Variants in SNRPN observed in about 807,000 individuals in gnomAD.
SNRPN encodes small nuclear ribonucleoprotein-associated protein N.
In SNRPN, 7 loss-of-function variants were observed where a neutral mutation model predicts 25.2. That is an observed-to-expected ratio of 0.28 (90% CI 0.16 to 0.52). The LOEUF (loss-of-function observed/expected upper bound fraction) is 0.52. Ranked by LOEUF, SNRPN falls within the 20% of genes least tolerant of loss-of-function variation. The pLI is 0.96. For missense variants in SNRPN, 196 were observed against 322.5 expected, an observed-to-expected ratio of 0.61 and a Z score of 3.00; for synonymous variants, 124 against 110.6, an observed-to-expected ratio of 1.12 and a Z score of -0.76.
At chr15:24,901,178 T>C (rs1191585594) in intron 2 of SNRPN, among the ~76,000 whole-genome samples, 1 of 152,182 alleles carries the variant, frequency 6.6e-6, no homozygotes, top group East Asian at 1.9e-4. Flanking sequence ...TTCCTTGGTA[T>C]TGCCGTCTTA....
chr15:24,926,920 A>C (rs1282384659), intron 3 of SNRPN, among the ~76,000 whole-genome samples: 1 of 151,954 alleles, frequency 6.6e-6, no homozygotes, highest in Non-Finnish European at 1.5e-5. Flanking sequence ...CTGAGGCAGG[A>C]GGATCGCTTG....
intron 8 of SNRPN, 62 bp downstream of exon 8, chr15:24,977,978 T>A (rs955033772): frequency 2.1e-6 from 3 of 1,447,288 alleles, no homozygotes; most frequent in Non-Finnish European, 2.8e-6. Flanking sequence ...CTTACTGATT[T>A]AAGACACAGC....
chr15:24,857,292 C>A (rs1159241216), intron 1 of SNRPN, among the ~76,000 whole-genome samples: 1 of 152,162 alleles, frequency 6.6e-6, no homozygotes, highest in Non-Finnish European at 1.5e-5. Context: ...TAGACATTGG[C>A]TAGAGTCTTT....
chr15:24,834,194 GATTA>G (rs2050808284), intron 2 of SNRPN, among the ~76,000 whole-genome samples: 1 of 152,138 alleles, frequency 6.6e-6, no homozygotes, highest in Non-Finnish European at 1.5e-5. Context: ...AAAGTGCTGG[GATTA>G]CAGGCGTGAG....
intron 2 of SNRPN, chr15:24,849,987 A>C (rs1015714101): frequency 3.9e-5 from 6 of 152,230 alleles, no homozygotes; most frequent in African/African-American, 1.4e-4. Flanking sequence ...TTTCCAAATT[A>C]GATTTTGATT....
upstream of SNRPN, among the ~76,000 whole-genome samples, chr15:24,954,351 A>G (rs1596131329): frequency 6.6e-6 from 1 of 152,208 alleles, no homozygotes; most frequent in East Asian, 1.9e-4. Context: ...TTTGTTTTAC[A>G]AAAATTGAAT....
chr15:24,906,246 C>G (rs2058796241), intron 2 of SNRPN, among the ~76,000 whole-genome samples: 1 of 152,194 alleles, frequency 6.6e-6, no homozygotes, highest in Non-Finnish European at 1.5e-5. Context: ...CCACCTCAGC[C>G]TCCCGAGTAG....
intron 3 of SNRPN, among the ~76,000 whole-genome samples, chr15:24,927,468 GTTTTTAAATT>G (rs2060462334): frequency 1.2e-5 from 1 of 84,686 alleles, no homozygotes; most frequent in Non-Finnish European, 2.3e-5. Context: ...TGCTTATAAA[GTTTTTAAATT>G]TTTTTTTTTT....
At chr15:24,840,970 T>A (rs1336896843) in intron 2 of SNRPN, among the ~76,000 whole-genome samples, 2 of 152,006 alleles carry the variant, frequency 1.3e-5, no homozygotes, top group African/African-American at 4.8e-5. Flanking sequence ...GCCTCCTGAG[T>A]AGCTGGGATT....
upstream of SNRPN, chr15:24,954,969 T>G: frequency 6.3e-7 from 1 of 1,597,468 alleles, no homozygotes; most frequent in East Asian, 2.2e-5. Context: ...AGCCTGCCGC[T>G]GCTGCAGCGA....
chr15:24,901,984 T>C (rs1454426358), intron 2 of SNRPN, among the ~76,000 whole-genome samples: 1 of 152,148 alleles, frequency 6.6e-6, no homozygotes, highest in Non-Finnish European at 1.5e-5. Context: ...TCTATGTAAA[T>C]AAGAGAAACT....
intron 1 of SNRPN, among the ~76,000 whole-genome samples, chr15:24,878,488 C>T (rs1172360251): frequency 2.6e-5 from 4 of 152,230 alleles, no homozygotes; most frequent in Admixed American, 6.5e-5. Flanking sequence ...CCGTGCGCCC[C>T]GAGGGTCTGT....
At position 24,978,504 on chromosome 15, in the gene SNRPN, A is replaced by T. The variant is rs950043802; in HGVS notation, c.*60A>T. 5.3e-5 allele frequency: 79 copies of T among 1,487,812 alleles called. No individual in the cohort carries two copies. The highest frequency in any genetic ancestry group is 6.6e-5 in the Non-Finnish European group (70 of 1,067,546). The allele number at this position is 1,487,812 out of a possible 1,614,324, so 92.2% of individuals were successfully genotyped here. On this transcript the variant is annotated 3_prime_UTR_variant, in exon 10 of 10. Coordinates refer to ENST00000390687, the MANE Select transcript of SNRPN (RefSeq NM_003097.6). ...TGCAATGCGTCTTGTGAAATTGTGT[A>T]GAGTGTTTGTGAGCTTTTTGTTCCC...
At position 24,889,413 on chromosome 15, in the gene SNRPN, T is replaced by C. The variant is rs190131371; in HGVS notation, c.-505+2824T>C. 4.4e-3 allele frequency among the ~76,000 whole-genome samples: 665 copies of C among 152,102 alleles called. 1 individual carries two copies. The highest frequency in any genetic ancestry group is 7.9e-3 in the Non-Finnish European group (537 of 67,990). On this transcript the variant is annotated intron_variant, in intron 2 of 11. Coordinates refer to the SNRPN transcript ENST00000400097. ...CGCCTCCCGGGTTCAGGCCATTCTC[T>C]TGCCTCAGCCTCCTGAGTAGCTGGG... is the stretch of plus-strand genomic sequence containing the variant.
At chr15:24,961,979 G>C in intron 1 of SNRPN, 135 bp from the exon 2 acceptor site, 3 of 829,960 alleles carry the variant, frequency 3.6e-6, no homozygotes, top group Non-Finnish European at 6.0e-6. Flanking sequence ...TAAAGATCTT[G>C]TAATAATTTT....
chr15:24,872,560 A>G (rs2055265918), intron 1 of SNRPN, among the ~76,000 whole-genome samples: 1 of 111,850 alleles, frequency 8.9e-6, no homozygotes, highest in Non-Finnish European at 1.9e-5. Context: ...AGCCTGACCA[A>G]CATGGAGAAA....
chr15:24,880,285 C>G (rs2056450953), intron 1 of SNRPN, among the ~76,000 whole-genome samples: 1 of 152,038 alleles, frequency 6.6e-6, no homozygotes, highest in South Asian at 2.1e-4. Context: ...GACCTTGCCT[C>G]TAAAAGAGGG....
At chr15:24,968,554 A>C (rs1385500584) in intron 3 of SNRPN, 1 of 156,008 alleles carries the variant, frequency 6.4e-6, no homozygotes, top group East Asian at 1.9e-4. Context: ...ATTATATTGC[A>C]AAGTATTAAA....
intron 2 of SNRPN, among the ~76,000 whole-genome samples, chr15:24,831,253 G>T (rs1227587385): frequency 1.3e-5 from 2 of 151,798 alleles, no homozygotes; most frequent in Non-Finnish European, 2.9e-5. Flanking sequence ...AGCTATGCCT[G>T]CTTTCTTCTG....
Sources: gnomAD v4.1 joint callset for allele counts (sites outside exome capture counted in the v4.1 genomes callset) on GRCh38, gnomAD v4.1.1 for gene constraint, MANE v1.5 for transcripts, NCBI Gene and HGNC (gene_info 2026-07-23, HGNC 2026-07-21) for gene names.